PCSK2: variants seen among roughly 807,000 people sequenced by gnomAD.
PCSK2 encodes neuroendocrine convertase 2.
Under a neutral mutation model 69.7 loss-of-function variants are expected in PCSK2, and 14 were observed. The ratio of observed to expected loss-of-function variants is 0.20; its 90% CI spans 0.13 to 0.31. The LOEUF (loss-of-function observed/expected upper bound fraction) is 0.31. PCSK2 is among the 10% of genes least tolerant of loss of function. The pLI is 1.00. For synonymous variants in PCSK2, 307 were observed against 320.7 expected, an observed-to-expected ratio of 0.96 and a Z score of 0.46; for missense variants, 544 against 842.5, an observed-to-expected ratio of 0.65 and a Z score of 4.39.
Position 17,453,882 on chromosome 20 carries a change from G to T in PCSK2, c.1026G>T (p.Leu342=), listed in dbSNP as rs371033591. Residue 342 remains leucine (L), a synonymous_variant, in exon 9 of 12, where the codon CTG becomes CTT. Transcript: ENST00000262545. This position sits in a 1 kb window ranked among gnomAD's most constrained non-coding sequence, Gnocchi z 4.0. ...NSAINDGRTA[L]YDESCSSTLA... is the part of the protein sequence containing the mutation. ...CCATCAACGACGGCAGGACTGCCCT[G>T]TACGACGAGAGCTGCTCTTCCACCT... 4 of 1,614,260 alleles carry T rather than the reference G, an allele frequency of 2.5e-6. No individual in the cohort carries two copies. In the South Asian group the frequency reaches 4.4e-5, roughly 18 times the overall value.
chr20:17,323,819 C>G (rs1431275678), intron 2 of PCSK2, among the ~76,000 whole-genome samples: 2 of 152,228 alleles, frequency 1.3e-5, no homozygotes, highest in African/African-American at 2.4e-5. Flanking sequence ...TGAGCTGACA[C>G]TCTTGTGTCC....
At chr20:17,433,694 C>T (rs1232171322) in intron 7 of PCSK2, among the ~76,000 whole-genome samples, 2 of 152,142 alleles carry the variant, frequency 1.3e-5, no homozygotes, top group Admixed American at 6.5e-5. Context: ...GATAGAAACA[C>T]TTGATGTGTG....
At chr20:17,381,041 T>G (rs1038672643) in intron 5 of PCSK2, among the ~76,000 whole-genome samples, 1 of 152,182 alleles carries the variant, frequency 6.6e-6, no homozygotes, top group Admixed American at 6.5e-5. Context: ...GATCTTACAT[T>G]AGAGCGGTCT....
rs147311162 is a variant in PCSK2 at position 17,329,410 on chromosome 20, GA to G, written c.283-28913del. Among the ~76,000 whole-genome samples the G allele has an allele frequency of 4.1e-3, 631 of 152,244 alleles. 9 individuals carry two copies. The highest frequency in any genetic ancestry group is 0.014 in the African/African-American group (575 of 41,550). ...AGTCACCTTTTATTTTTAAACTTAT[GA>G]AAATGTTCCCAATTATTCAGAAGCA... On this transcript the variant is annotated intron_variant, in intron 2 of 11. Transcript: ENST00000262545.
At chr20:17,348,050 GGAAAGAAAGAAAGAAA>G (rs200387593) in intron 2 of PCSK2, among the ~76,000 whole-genome samples, 1,219 of 86,894 alleles carry the variant, frequency 0.014, 29 homozygotes, top group African/African-American at 0.041. Flanking sequence ...AAGAAAGAAA[GGAAAGAAAGAAAGAAA>G]GAAAGAAAGA....
At chr20:17,323,779 A>C (rs778408047) in intron 2 of PCSK2, among the ~76,000 whole-genome samples, 1 of 152,216 alleles carries the variant, frequency 6.6e-6, no homozygotes, top group Non-Finnish European at 1.5e-5. Context: ...TGTTTATAAG[A>C]TATAAAAGCC....
At chr20:17,435,756 AC>A (rs778192479) in intron 7 of PCSK2, among the ~76,000 whole-genome samples, 6 of 152,160 alleles carry the variant, frequency 3.9e-5, no homozygotes, top group Non-Finnish European at 8.8e-5. Flanking sequence ...GAACCCACTG[AC>A]CCATCCAGAT....
chr20:17,328,053 G>C (rs1990113680), intron 2 of PCSK2, among the ~76,000 whole-genome samples: 1 of 152,164 alleles, frequency 6.6e-6, no homozygotes, highest in African/African-American at 2.4e-5. Context: ...ATGAATGCTT[G>C]CAAAGATTTC....
At chr20:17,307,051 T>C (rs34863093) in intron 2 of PCSK2, among the ~76,000 whole-genome samples, 1 of 152,292 alleles carries the variant, frequency 6.6e-6, no homozygotes, top group Non-Finnish European at 1.5e-5. Flanking sequence ...GAAATAAGAA[T>C]GTCAACCATG....
At chr20:17,249,839 G>A (rs541328340) in intron 1 of PCSK2, among the ~76,000 whole-genome samples, 5 of 152,048 alleles carry the variant, frequency 3.3e-5, no homozygotes, top group Admixed American at 2.0e-4. Context: ...CCAGGGCTGG[G>A]GGGGGAATGG....
intron 6 of PCSK2, among the ~76,000 whole-genome samples, chr20:17,424,894 C>T (rs796803311): frequency 6.6e-6 from 1 of 152,140 alleles, no homozygotes; most frequent in African/African-American, 2.4e-5. Flanking sequence ...AAGCAATTCT[C>T]ATGTCTCAGC....
At chr20:17,456,068 T>C (rs2123385876) in intron 9 of PCSK2, among the ~76,000 whole-genome samples, 1 of 152,126 alleles carries the variant, frequency 6.6e-6, no homozygotes, top group South Asian at 2.1e-4. Context: ...GGCGAAACCC[T>C]GTCTCTACTA....
chr20:17,378,995 A>T (rs1476657655), intron 5 of PCSK2, among the ~76,000 whole-genome samples: 5 of 152,156 alleles, frequency 3.3e-5, no homozygotes, highest in Non-Finnish European at 7.4e-5. Flanking sequence ...AAAAACCTTT[A>T]GGTGACCAAG....
chr20:17,288,718 G>A (rs1165441383), intron 2 of PCSK2, among the ~76,000 whole-genome samples: 1 of 152,196 alleles, frequency 6.6e-6, no homozygotes, highest in South Asian at 2.1e-4. Flanking sequence ...CGTAGGAGAG[G>A]AAGGCCATCT....
chr20:17,367,937 G>A (rs1024847716), intron 4 of PCSK2, among the ~76,000 whole-genome samples: 2 of 152,130 alleles, frequency 1.3e-5, no homozygotes, highest in Non-Finnish European at 2.9e-5. Context: ...ATTTAGGGAG[G>A]GGACTATAGT....
intron 5 of PCSK2, among the ~76,000 whole-genome samples, chr20:17,376,461 T>C (rs1202779374): frequency 6.6e-6 from 1 of 152,212 alleles, no homozygotes; most frequent in Non-Finnish European, 1.5e-5. Context: ...TGTACCCCAG[T>C]CTGGAGAGAA....
At chr20:17,477,113 G>A (rs535776082) in intron 11 of PCSK2, among the ~76,000 whole-genome samples, 14 of 152,304 alleles carry the variant, frequency 9.2e-5, no homozygotes, top group African/African-American at 3.1e-4. Context: ...GCCCTCCCAG[G>A]TTCATGGCCT....
At chr20:17,405,455 C>A (rs562550152) in intron 5 of PCSK2, among the ~76,000 whole-genome samples, 2 of 152,328 alleles carry the variant, frequency 1.3e-5, no homozygotes, top group South Asian at 4.2e-4. Context: ...CCATTGACTG[C>A]AGGAGCTCTC....
At chr20:17,279,736 G>A (rs992368809) in intron 2 of PCSK2, among the ~76,000 whole-genome samples, 24 of 147,662 alleles carry the variant, frequency 1.6e-4, no homozygotes, top group African/African-American at 1.8e-4. Flanking sequence ...GCTGTGAGCC[G>A]AGATCGCGCC....
Sources: allele counts gnomAD v4.1 joint callset (sites outside exome capture counted in the v4.1 genomes callset), GRCh38; gene constraint gnomAD v4.1.1; non-coding constraint Gnocchi (gnomAD v3.1); transcripts MANE v1.5; gene names NCBI Gene and HGNC (gene_info 2026-07-23, HGNC 2026-07-21).